RAB40C: variants seen among roughly 807,000 people sequenced by gnomAD.
The protein encoded by RAB40C is RAB40C, member RAS oncogene family.
Under a neutral mutation model 28.1 loss-of-function variants are expected in RAB40C, and 8 were observed. The ratio of observed to expected loss-of-function variants is 0.28; its 90% CI spans 0.17 to 0.51. The LOEUF (loss-of-function observed/expected upper bound fraction) is 0.51. Among genes scored for constraint, RAB40C ranks in the 20% least tolerant of loss-of-function variants. The probability of loss-of-function intolerance (pLI) is 0.97; values close to 1 mark genes in which losing one functional copy is unlikely to be tolerated. For missense variants in RAB40C, 288 were observed against 405.9 expected, an observed-to-expected ratio of 0.71 and a Z score of 2.50; for synonymous variants, 201 against 171.7, an observed-to-expected ratio of 1.17 and a Z score of -1.34.
Position 590,405 on chromosome 16 carries a change from G to C in RAB40C, c.114G>C (p.Ala38=). 6.3e-7 allele frequency: 1 copy of C among 1,592,774 alleles called. No individual in the cohort carries two copies. Among genetic ancestry groups the C allele is most frequent in the Non-Finnish European group, 8.5e-7 (1 of 1,171,626 alleles). The change falls in exon 1 of 6, where the codon GCG becomes GCC. Residue 38 remains alanine, a synonymous_variant. Coordinates refer to ENST00000248139, the MANE Select transcript of RAB40C (RefSeq NM_021168.5). The stretch of plus-strand genomic sequence containing the variant: ...TCCTGGAGAGCCTGCAGGACGGCGC[G>C]GCAGAGTCCCCGTACGCCTACAGTA... ...GEILESLQDG[A]AESPYAYSNG... is the part of the protein sequence containing the mutation.
In RAB40C at chr16:599,272, G is replaced by A. The variant is rs551161343; in HGVS notation, c.142+8839G>A. 7.2e-5 allele frequency among the ~76,000 whole-genome samples: 11 copies of A among 152,378 alleles called. No individual in the cohort carries two copies. The South Asian group carries it at 2.1e-3, about 29-fold the overall frequency. On this transcript the variant is annotated intron_variant, in intron 1 of 5. Coordinates refer to ENST00000248139, the MANE Select transcript of RAB40C (RefSeq NM_021168.5). ...TGCCACCAGCTTTGCTCCGAGGGGT[G>A]TCTGTGTCCTCAGGCTCTGCCAAGG...
chr16:614,002 C>G (rs965153986), intron 1 of RAB40C, among the ~76,000 whole-genome samples: 1 of 152,248 alleles, frequency 6.6e-6, no homozygotes, highest in African/African-American at 2.4e-5. Flanking sequence ...GCTGCGGCCT[C>G]TACTGCATCC....
intron 1 of RAB40C, among the ~76,000 whole-genome samples, chr16:608,327 C>G (rs192967607): frequency 6.6e-6 from 1 of 152,310 alleles, no homozygotes; most frequent in East Asian, 1.9e-4. Context: ...CATCTGGCCC[C>G]GCCCTCAACC....
At position 627,385 on chromosome 16, in the gene RAB40C, C is replaced by T. The variant is rs1485613618; in HGVS notation, c.609C>T (p.Cys203=). ...TCTGCTGCCGGGCCATCGTCTCCTG[C>T]ACCCCCGTGCACCTCATCGACAAGC... ...QDLCCRAIVS[C]TPVHLIDKLP... Residue 203 remains cysteine, a synonymous_variant, in exon 6 of 6, where the codon TGC becomes TGT. Transcript: ENST00000248139. 4 of 1,613,758 alleles carry T rather than the reference C, an allele frequency of 2.5e-6. No homozygotes were observed. The highest frequency in any genetic ancestry group is 2.7e-5 in the African/African-American group (2 of 74,952).
chr16:609,167 G>A (rs2036428889), intron 1 of RAB40C, among the ~76,000 whole-genome samples: 1 of 152,170 alleles, frequency 6.6e-6, no homozygotes, highest in South Asian at 2.1e-4. Flanking sequence ...TTGATGGTTT[G>A]GGAACAGCGG....
At chr16:607,745 C>G (rs537234880) in intron 1 of RAB40C, among the ~76,000 whole-genome samples, 5 of 152,186 alleles carry the variant, frequency 3.3e-5, no homozygotes, top group South Asian at 4.2e-4. Context: ...GAGCCGAGAT[C>G]GCGCCACTGC....
At position 610,551 on chromosome 16, in the gene RAB40C, C is replaced by T. The variant is rs2036462119; in HGVS notation, c.143-6657C>T. 6.6e-6 allele frequency among the ~76,000 whole-genome samples: 1 copy of T among 152,170 alleles called. No individual in the cohort carries two copies. Among genetic ancestry groups the T allele is most frequent in the South Asian group, 2.1e-4 (1 of 4,830 alleles). The stretch of plus-strand genomic sequence containing the variant: ...GCTTATTTTTGAAAAGACATTTCAA[C>T]AGGAGGTAAAAATGAACAGCACACC... On this transcript the variant is annotated intron_variant, in intron 1 of 5. Transcript: ENST00000248139. This position sits in a 1 kb window ranked among gnomAD's most constrained non-coding sequence, Gnocchi z 4.6.
intron 3 of RAB40C, among the ~76,000 whole-genome samples, chr16:619,557 C>T (rs2036668555): frequency 6.6e-6 from 1 of 152,204 alleles, no homozygotes; most frequent in Non-Finnish European, 1.5e-5. Flanking sequence ...GTTGCTGCTT[C>T]AGTGGGAGGG....
chr16:623,206 A>G (rs2151080156), intron 3 of RAB40C, among the ~76,000 whole-genome samples: 1 of 152,326 alleles, frequency 6.6e-6, no homozygotes, highest in Non-Finnish European at 1.5e-5. Context: ...CTCTCTTTCT[A>G]GAGTTTTCAG....
intron 4 of RAB40C, 49 bp from the exon 5 acceptor site, chr16:625,850 G>T (rs1281579851): frequency 3.3e-6 from 5 of 1,521,034 alleles, no homozygotes; most frequent in Non-Finnish European, 3.6e-6. Context: ...GCGGCTGAGG[G>T]GTGGGTGGCA....
Position 623,686 on chromosome 16 carries a change from C to T in RAB40C, c.265-1746C>T, listed in dbSNP as rs1369790565. Among the ~76,000 whole-genome samples, 4 of 151,828 alleles carry T rather than the reference C, an allele frequency of 2.6e-5. No individual in the cohort carries two copies. The East Asian group carries it at 7.7e-4, about 29-fold the overall frequency. ...GCTGGGCTGGGCACAGTGGCTCACA[C>T]CTCTGATCCCAGCACTTTAGGAAGT... On this transcript the variant is annotated intron_variant, in intron 3 of 5. Transcript: ENST00000248139.
intron 3 of RAB40C, among the ~76,000 whole-genome samples, chr16:622,694 C>T (rs1047425523): frequency 4.6e-5 from 7 of 152,138 alleles, no homozygotes; most frequent in African/African-American, 7.2e-5. Flanking sequence ...TTAGTAGAGA[C>T]GGGGTTTCAC....
At chr16:626,374 C>T (rs2036834052) in intron 5 of RAB40C, among the ~76,000 whole-genome samples, 1 of 152,204 alleles carries the variant, frequency 6.6e-6, no homozygotes, top group Non-Finnish European at 1.5e-5. Context: ...TGCACTCTGC[C>T]ATGCCTGTGG....
chr16:594,703 A>G (rs916223235), intron 1 of RAB40C, among the ~76,000 whole-genome samples: 5 of 151,608 alleles, frequency 3.3e-5, no homozygotes, highest in African/African-American at 1.2e-4. Context: ...TCTTTAGGTG[A>G]CTGGACAGCC....
intron 1 of RAB40C, among the ~76,000 whole-genome samples, chr16:616,333 T>TTTTATTTATTTATTTATTTA (rs57235517): frequency 0.014 from 2,010 of 141,634 alleles, 24 homozygotes; most frequent in Non-Finnish European, 0.02. Flanking sequence ...AGAAGCAGCA[T>TTTTATTTATTTATTTATTTA]TTTATTTATT....
intron 3 of RAB40C, among the ~76,000 whole-genome samples, chr16:619,825 A>G (rs1410582804): frequency 3.0e-4 from 46 of 152,168 alleles, no homozygotes; most frequent in Admixed American, 3.0e-3. Flanking sequence ...TGGCAAGCTC[A>G]TTTCCTTCCA....
At position 590,417 on chromosome 16, in the gene RAB40C, G is replaced by T. The variant is rs61758748; in HGVS notation, c.126G>T (p.Pro42=). 25 of 1,589,862 alleles carry T rather than the reference G, an allele frequency of 1.6e-5. No homozygotes were observed. The highest frequency in any genetic ancestry group is 2.1e-5 in the Non-Finnish European group (25 of 1,170,472). ...ESLQDGAAES[P]YAYSNGIDYK... ...TGCAGGACGGCGCGGCAGAGTCCCC[G>T]TACGCCTACAGTAACGGTAAGGCCC... The change falls in exon 1 of 6, where the codon CCG becomes CCT. Residue 42 remains proline (P), a synonymous_variant. Coordinates refer to ENST00000248139, the MANE Select transcript of RAB40C (RefSeq NM_021168.5).
At chr16:618,146 T>G (rs1596412620) in intron 2 of RAB40C, 54 bp from the exon 3 acceptor site, 1 of 1,560,254 alleles carries the variant, frequency 6.4e-7, no homozygotes, top group Non-Finnish European at 8.8e-7. Flanking sequence ...GGGAAGGAGG[T>G]GAGCCTCTCA....
chr16:616,260 A>G (rs2036582060), intron 1 of RAB40C, among the ~76,000 whole-genome samples: 1 of 151,912 alleles, frequency 6.6e-6, no homozygotes, highest in Admixed American at 6.6e-5. Context: ...TGTCTCAAAA[A>G]AAAAAAAAAA....
Sources: allele counts gnomAD v4.1 joint callset (sites outside exome capture counted in the v4.1 genomes callset), GRCh38; gene constraint gnomAD v4.1.1; non-coding constraint Gnocchi (gnomAD v3.1); transcripts MANE v1.5; gene names NCBI Gene and HGNC (gene_info 2026-07-23, HGNC 2026-07-21).